Variants in ADAMTS19 observed in about 807,000 individuals in gnomAD.
ADAMTS19 encodes A disintegrin and metalloproteinase with thrombospondin motifs 19.
ADAMTS19 carries 93 observed loss-of-function variants against 153.3 expected under a neutral mutation model. That is an observed-to-expected ratio of 0.61 (90% CI 0.51 to 0.72). The LOEUF (loss-of-function observed/expected upper bound fraction) is 0.72, where lower values mean the gene tolerates loss of function less well. ADAMTS19 is among the 30% of genes least tolerant of loss of function. The pLI is 0.00. For missense variants in ADAMTS19, 1,482 were observed against 1,552.1 expected, an observed-to-expected ratio of 0.95 and a Z score of 0.76; for synonymous variants, 600 against 556.6, an observed-to-expected ratio of 1.08 and a Z score of -1.10.
chr5:129,602,942 T>G (rs1353775544), intron 8 of ADAMTS19, among the ~76,000 whole-genome samples: 1 of 151,962 alleles, frequency 6.6e-6, no homozygotes, highest in Non-Finnish European at 1.5e-5. Context: ...GTATTTTGCA[T>G]TAACTGCTCA....
chr5:129,660,889 C>T (rs1396660848), intron 15 of ADAMTS19, among the ~76,000 whole-genome samples: 4 of 152,254 alleles, frequency 2.6e-5, no homozygotes, highest in African/African-American at 4.8e-5. Flanking sequence ...TCTCCAGCCT[C>T]GTGTCACACC....
chr5:129,635,115 T>C (rs1469713743), intron 10 of ADAMTS19, among the ~76,000 whole-genome samples: 1 of 152,052 alleles, frequency 6.6e-6, no homozygotes, highest in Non-Finnish European at 1.5e-5. Context: ...CAAAGGACGT[T>C]AACAGACACT....
intron 8 of ADAMTS19, among the ~76,000 whole-genome samples, chr5:129,608,340 G>A (rs1326360715): frequency 6.6e-6 from 1 of 151,608 alleles, no homozygotes. Context: ...AGGAGCTGTA[G>A]GATGAGGGGA....
At chr5:129,620,568 G>T in intron 8 of ADAMTS19, 50 bp from the exon 9 acceptor site, 1 of 1,316,670 alleles carries the variant, frequency 7.6e-7, no homozygotes, top group Non-Finnish European at 1.0e-6. Context: ...AAGTTAACAA[G>T]TAACATTTAC....
At chr5:129,680,383 C>T (rs1306285791) in intron 17 of ADAMTS19, among the ~76,000 whole-genome samples, 2 of 152,070 alleles carry the variant, frequency 1.3e-5, no homozygotes, top group African/African-American at 2.4e-5. Flanking sequence ...TCCCCATCAC[C>T]CTGTTTGTTA....
intron 15 of ADAMTS19, among the ~76,000 whole-genome samples, chr5:129,664,389 T>C (rs561605572): frequency 2.6e-5 from 4 of 152,254 alleles, no homozygotes; most frequent in African/African-American, 7.2e-5. Flanking sequence ...ATTTTGGTCA[T>C]GTGAAAAAAT....
At chr5:129,640,988 CT>C (rs1752763121) in intron 10 of ADAMTS19, among the ~76,000 whole-genome samples, 1 of 152,060 alleles carries the variant, frequency 6.6e-6, no homozygotes, top group African/African-American at 2.4e-5. Flanking sequence ...CCACACTCAG[CT>C]AAATTTTTAA....
intron 16 of ADAMTS19, among the ~76,000 whole-genome samples, chr5:129,676,543 C>G (rs190730724): frequency 6.6e-6 from 1 of 151,958 alleles, no homozygotes; most frequent in Non-Finnish European, 1.5e-5. Flanking sequence ...AGCAGAAAGC[C>G]AAGCAGTTTT....
At chr5:129,646,398 T>G (rs1581181763) in intron 11 of ADAMTS19, among the ~76,000 whole-genome samples, 1 of 152,276 alleles carries the variant, frequency 6.6e-6, no homozygotes, top group East Asian at 1.9e-4. Context: ...CCTATAAAAG[T>G]AAAGCACTAA....
At chr5:129,527,363 C>T (rs112683904) in intron 4 of ADAMTS19, among the ~76,000 whole-genome samples, 1 of 150,058 alleles carries the variant, frequency 6.7e-6, no homozygotes, top group African/African-American at 2.4e-5. Flanking sequence ...GGCTGTTTTC[C>T]TGGGGAACAG....
At chr5:129,512,360 GAATAAT>G (rs1751467159) in intron 3 of ADAMTS19, among the ~76,000 whole-genome samples, 1 of 151,992 alleles carries the variant, frequency 6.6e-6, no homozygotes, top group African/African-American at 2.4e-5. Flanking sequence ...GAGTACTGGT[GAATAAT>G]TCTACATTTC....
chr5:129,494,995 G>A (rs1750881799), intron 2 of ADAMTS19, among the ~76,000 whole-genome samples: 1 of 152,072 alleles, frequency 6.6e-6, no homozygotes, highest in African/African-American at 2.4e-5. Context: ...TGAGCCATAA[G>A]AAAGATAATT....
intron 7 of ADAMTS19, among the ~76,000 whole-genome samples, chr5:129,555,762 A>G (rs1477770393): frequency 6.6e-6 from 1 of 152,198 alleles, no homozygotes; most frequent in Non-Finnish European, 1.5e-5. Context: ...AGATCTTCTG[A>G]CTGTACTGTC....
intron 2 of ADAMTS19, among the ~76,000 whole-genome samples, chr5:129,468,264 G>A (rs964117529): frequency 6.6e-6 from 1 of 152,134 alleles, no homozygotes; most frequent in Non-Finnish European, 1.5e-5. Context: ...CAGGAGAGTA[G>A]GAGAGTTTCT....
intron 21 of ADAMTS19, among the ~76,000 whole-genome samples, chr5:129,733,777 C>G (rs1287034222): frequency 6.6e-6 from 1 of 151,934 alleles, no homozygotes; most frequent in African/African-American, 2.4e-5. Context: ...AATAGAACTA[C>G]CATTTGACTC....
chr5:129,694,240 T>A (rs996208491), intron 18 of ADAMTS19, among the ~76,000 whole-genome samples: 2 of 152,200 alleles, frequency 1.3e-5, no homozygotes, highest in African/African-American at 4.8e-5. Flanking sequence ...AGGTACATTT[T>A]GTTATGTAAA....
intron 21 of ADAMTS19, among the ~76,000 whole-genome samples, chr5:129,716,150 G>C (rs933414105): frequency 3.9e-5 from 6 of 152,096 alleles, no homozygotes; most frequent in African/African-American, 1.2e-4. Flanking sequence ...CCCTAGGAAA[G>C]TGCTTTTGGC....
At chr5:129,673,126 C>G (rs755931852) in intron 16 of ADAMTS19, among the ~76,000 whole-genome samples, 1 of 151,886 alleles carries the variant, frequency 6.6e-6, no homozygotes, top group African/African-American at 2.4e-5. Context: ...TTTCAAATAA[C>G]CAACTCTTGG....
Position 129,625,435 on chromosome 5 carries a change from T to G in ADAMTS19, c.1770+3087T>G, listed in dbSNP as rs543010689. Reference sequence around the variant, plus strand: ...ACACTGTCTTCCACAGTGGTTGAACTAGTTTACAGTCCCACCAACAGTGTA... The same window carrying G: ...ACACTGTCTTCCACAGTGGTTGAACGAGTTTACAGTCCCACCAACAGTGTA... On this transcript the variant is annotated intron_variant, in intron 10 of 22. Transcript: ENST00000274487. 1.1e-4 allele frequency among the ~76,000 whole-genome samples: 16 copies of G among 152,338 alleles called. No individual in the cohort carries two copies. In the East Asian group the frequency reaches 3.1e-3, roughly 29 times the overall value.
Sources: gnomAD v4.1 joint callset for allele counts (sites outside exome capture counted in the v4.1 genomes callset) on GRCh38, gnomAD v4.1.1 for gene constraint, MANE v1.5 for transcripts, NCBI Gene and HGNC (gene_info 2026-07-23, HGNC 2026-07-21) for gene names.